The following PCCA variants were observed in gnomAD, a reference collection of about 807,000 sequenced individuals.
The protein encoded by PCCA is propionyl-CoA carboxylase subunit alpha.
A neutral mutation model predicts 101.3 loss-of-function variants in PCCA; 74 were observed. The ratio of observed to expected loss-of-function variants is 0.73; its 90% CI spans 0.61 to 0.89. The LOEUF (loss-of-function observed/expected upper bound fraction) is 0.89. Among genes scored for constraint, PCCA ranks in the 40% least tolerant of loss-of-function variants. The probability of loss-of-function intolerance (pLI) is 0.00; values close to 1 mark genes in which losing one functional copy is unlikely to be tolerated. For missense variants in PCCA, 891 were observed against 907.0 expected (o/e 0.98, Z 0.23); for synonymous variants, 294 against 313.6 (o/e 0.94, Z 0.66).
In PCCA at chr13:100,438,479, G is replaced by C. The variant is rs568207249; in HGVS notation, c.1846-10773G>C. 3.3e-5 allele frequency among the ~76,000 whole-genome samples: 5 copies of C among 152,214 alleles called. No individual in the cohort carries two copies. The East Asian group carries it at 7.7e-4, about 23-fold the overall frequency. ...TTGATTTCTCATTAGCCCCAGTCTCGTGAATGCCTCCTGATTCTGATTTTA... is the reference window on the plus strand; with the variant it reads ...TTGATTTCTCATTAGCCCCAGTCTCCTGAATGCCTCCTGATTCTGATTTTA... On this transcript the variant is annotated intron_variant, in intron 20 of 23. Coordinates refer to ENST00000376285, the MANE Select transcript of PCCA (RefSeq NM_000282.4).
intron 6 of PCCA, among the ~76,000 whole-genome samples, chr13:100,203,476 G>A (rs13378894): frequency 0.16 from 23,882 of 151,944 alleles, 2,010 homozygotes; most frequent in African/African-American, 0.18. Flanking sequence ...GATCACTTGA[G>A]GTCAGGATTT....
At chr13:100,263,841 T>C (rs535448594) in intron 10 of PCCA, among the ~76,000 whole-genome samples, 2 of 115,082 alleles carry the variant, frequency 1.7e-5, no homozygotes, top group Admixed American at 1.8e-4. Flanking sequence ...TATCTGTATA[T>C]CGTATATATA....
At chr13:100,258,818 G>A (rs573928180) in intron 9 of PCCA, among the ~76,000 whole-genome samples, 2 of 152,138 alleles carry the variant, frequency 1.3e-5, no homozygotes, top group African/African-American at 2.4e-5. Context: ...TTCAAAATAT[G>A]TTTATAAAAT....
At chr13:100,202,646 T>C (rs1396566144) in intron 6 of PCCA, among the ~76,000 whole-genome samples, 1 of 151,674 alleles carries the variant, frequency 6.6e-6, no homozygotes, top group African/African-American at 2.4e-5. Context: ...ATTTGCTCTT[T>C]TTTTTGCTTT....
chr13:100,117,990 C>T (rs899247837), intron 4 of PCCA, among the ~76,000 whole-genome samples: 1 of 151,814 alleles, frequency 6.6e-6, no homozygotes, highest in Admixed American at 6.6e-5. Flanking sequence ...GTGGCAGGCT[C>T]CTGTGGTCCC....
intron 10 of PCCA, among the ~76,000 whole-genome samples, chr13:100,263,682 T>C (rs1433180015): frequency 1.3e-5 from 2 of 152,170 alleles, no homozygotes; most frequent in Non-Finnish European, 2.9e-5. Context: ...TTTACAACAT[T>C]GAACACAGTT....
chr13:100,346,033 G>C (rs922167956), intron 18 of PCCA, among the ~76,000 whole-genome samples: 1 of 152,060 alleles, frequency 6.6e-6, no homozygotes, highest in Non-Finnish European at 1.5e-5. Flanking sequence ...CAGTGCACCT[G>C]GTCACCCAAG....
intron 1 of PCCA, 35 bp downstream of exon 1, chr13:100,089,260 C>T: frequency 6.9e-7 from 1 of 1,458,210 alleles, no homozygotes; most frequent in Non-Finnish European, 9.1e-7. Context: ...GTCCGGGCTT[C>T]ACTGGGCTTC....
chr13:100,384,027 ATT>A lies in PCCA; in HGVS notation c.1746+15469_1746+15470del, dbSNP rs11301747. On this transcript the variant is annotated intron_variant, in intron 19 of 23. Transcript: ENST00000376285. ...ATTTAAAGAGCACTTTGAAAGTTTG[ATT>A]TTTTTTTTTTTTTTTGAGACAGAGC... Among the ~76,000 whole-genome samples, 739 of 134,798 alleles carry A rather than the reference ATT, an allele frequency of 5.5e-3. 1 individual carries two copies. The highest frequency in any genetic ancestry group is 7.2e-3 in the African/African-American group (265 of 36,900). 88.4% of individuals were successfully genotyped at this position (134,798 alleles called of 152,430 possible). A position where few individuals can be genotyped will look rare whatever the true frequency, so the allele number is the denominator to read the frequency against.
chr13:100,503,031 G>T (rs956755588), intron 21 of PCCA, among the ~76,000 whole-genome samples: 2 of 152,164 alleles, frequency 1.3e-5, no homozygotes, highest in Admixed American at 6.5e-5. Flanking sequence ...GCTGGATCGT[G>T]GGTAAGAGAG....
intron 19 of PCCA, among the ~76,000 whole-genome samples, chr13:100,377,485 T>TTTTTA (rs1052808165): frequency 1.7e-4 from 26 of 152,012 alleles, no homozygotes; most frequent in African/African-American, 5.3e-4. Context: ...AGCCTCCATC[T>TTTTTA]TTTTATTTTA....
chr13:100,367,162 C>T (rs2075237873), intron 18 of PCCA, among the ~76,000 whole-genome samples: 1 of 152,142 alleles, frequency 6.6e-6, no homozygotes, highest in Admixed American at 6.5e-5. Context: ...ATTCTGAAAT[C>T]ATTAAATTTT....
At chr13:100,120,237 G>A (rs934368499) in intron 4 of PCCA, among the ~76,000 whole-genome samples, 8 of 150,058 alleles carry the variant, frequency 5.3e-5, no homozygotes, top group Middle Eastern at 3.4e-3. Context: ...GGAGTGCAGT[G>A]GTGTGATCAT....
intron 19 of PCCA, among the ~76,000 whole-genome samples, chr13:100,374,498 C>T (rs564945001): frequency 1.2e-4 from 18 of 152,084 alleles, no homozygotes; most frequent in African/African-American, 4.1e-4. Context: ...TACAGTGGTG[C>T]GCACCTATAG....
At chr13:100,319,230 T>C (rs1488464315) in intron 16 of PCCA, among the ~76,000 whole-genome samples, 2 of 152,214 alleles carry the variant, frequency 1.3e-5, no homozygotes, top group Non-Finnish European at 2.9e-5. Flanking sequence ...AGATTCTGGA[T>C]ATTAGCCCTT....
At chr13:100,422,339 T>G (rs764126184) in intron 19 of PCCA, among the ~76,000 whole-genome samples, 2 of 151,860 alleles carry the variant, frequency 1.3e-5, no homozygotes, top group Non-Finnish European at 2.9e-5. Context: ...GGTCTCACTT[T>G]GTTGCCCAGG....
chr13:100,279,020 C>T (rs1026965732), intron 12 of PCCA, among the ~76,000 whole-genome samples: 5 of 152,036 alleles, frequency 3.3e-5, no homozygotes, highest in African/African-American at 1.2e-4. Flanking sequence ...ATGTCATGTC[C>T]ATGTTCGGCC....
chr13:100,248,361 G>C (rs1184090902), intron 8 of PCCA, among the ~76,000 whole-genome samples: 16 of 151,842 alleles, frequency 1.1e-4, no homozygotes, highest in Non-Finnish European at 1.5e-5. Context: ...CCTCCACTAT[G>C]TTGGAAATTT....
rs553666606 is a variant in PCCA, at chr13:100,248,303, TA to T, written c.638-9284del. Among the ~76,000 whole-genome samples the T allele has an allele frequency of 3.7e-3, 561 of 151,988 alleles. 3 individuals carry two copies. Among genetic ancestry groups the T allele is most frequent in the African/African-American group, 0.013 (531 of 41,506 alleles). ...CTTGGCTTCTTTTTGATGACGACTTTAAAAAAAATGTCTCTTGTTCTTATTT... is the reference window on the plus strand; with the variant it reads ...CTTGGCTTCTTTTTGATGACGACTTTAAAAAAATGTCTCTTGTTCTTATTT... On this transcript the variant is annotated intron_variant, in intron 8 of 23. Transcript: ENST00000376285.
Sources: gnomAD v4.1 joint callset for allele counts (sites outside exome capture counted in the v4.1 genomes callset) on GRCh38, gnomAD v4.1.1 for gene constraint, MANE v1.5 for transcripts, NCBI Gene and HGNC (gene_info 2026-07-23, HGNC 2026-07-21) for gene names.